Variants in RARB observed in about 807,000 individuals in gnomAD.
RARB encodes the protein retinoic acid receptor beta, also known as HBV-activated protein.
A neutral mutation model predicts 51.9 loss-of-function variants in RARB; 17 were observed. That is an observed-to-expected ratio of 0.33 (90% CI 0.22 to 0.49). The LOEUF (loss-of-function observed/expected upper bound fraction) is 0.49. RARB is among the 20% of genes least tolerant of loss of function. RARB has a pLI of 0.99. For missense variants in RARB, 369 were observed against 550.8 expected (o/e 0.67, Z 3.30); for synonymous variants, 215 against 195.4 (o/e 1.10, Z -0.84).
intron 2 of RARB, among the ~76,000 whole-genome samples, chr3:25,049,487 C>T (rs1698283823): frequency 6.6e-6 from 1 of 152,100 alleles, no homozygotes. Flanking sequence ...CAGTTGAGGT[C>T]CTTGTCATGA....
At chr3:25,491,960 A>G (rs1696762326) in intron 2 of RARB, among the ~76,000 whole-genome samples, 1 of 150,362 alleles carries the variant, frequency 6.7e-6, no homozygotes, top group African/African-American at 2.4e-5. Flanking sequence ...AAAAAATTAT[A>G]AAATTATTTT....
At chr3:24,893,958 A>T (rs989180737) in intron 2 of RARB, among the ~76,000 whole-genome samples, 2 of 152,228 alleles carry the variant, frequency 1.3e-5, no homozygotes. Context: ...ACCTAATACA[A>T]GCCTGTGCTT....
At chr3:25,159,699 A>G (rs565753204) in intron 4 of RARB, among the ~76,000 whole-genome samples, 1 of 152,252 alleles carries the variant, frequency 6.6e-6, no homozygotes, top group South Asian at 2.1e-4. Flanking sequence ...TTCTGACAAC[A>G]AAAAGGGGGG....
chr3:24,859,058 GAAAAAAA>G (rs11333927), intron 2 of RARB, among the ~76,000 whole-genome samples: 2 of 120,976 alleles, frequency 1.7e-5, no homozygotes, highest in African/African-American at 6.3e-5. Context: ...AAAAAAAAAA[GAAAAAAA>G]AAAAGTTCCT....
intron 2 of RARB, among the ~76,000 whole-genome samples, chr3:24,981,742 G>C (rs776416125): frequency 1.3e-5 from 2 of 152,234 alleles, no homozygotes; most frequent in Admixed American, 6.5e-5. Flanking sequence ...TATGCTTCCT[G>C]GGTAAGGCGA....
intron 2 of RARB, among the ~76,000 whole-genome samples, chr3:24,998,750 T>G (rs1028471073): frequency 1.3e-5 from 2 of 152,158 alleles, no homozygotes; most frequent in African/African-American, 4.8e-5. Context: ...CTTACATGTC[T>G]TCTTAAACTT....
chr3:25,527,967 C>T (rs1455853359), intron 3 of RARB, among the ~76,000 whole-genome samples: 1 of 152,208 alleles, frequency 6.6e-6, no homozygotes, highest in Non-Finnish European at 1.5e-5. Flanking sequence ...CAAGGCCCTG[C>T]ACAAAGCCAG....
At chr3:25,138,443 A>G (rs1325169955) in intron 4 of RARB, among the ~76,000 whole-genome samples, 2 of 152,000 alleles carry the variant, frequency 1.3e-5, no homozygotes, top group African/African-American at 4.8e-5. Flanking sequence ...TGTTGTACCA[A>G]GGTATATAGA....
intron 2 of RARB, among the ~76,000 whole-genome samples, chr3:25,015,427 G>T (rs528499839): frequency 1.3e-5 from 2 of 152,118 alleles, no homozygotes; most frequent in Non-Finnish European, 2.9e-5. Context: ...TAAAATAACT[G>T]TGAAATAAAT....
intron 2 of RARB, among the ~76,000 whole-genome samples, chr3:24,957,766 G>A (rs1326430102): frequency 6.6e-6 from 1 of 152,140 alleles, no homozygotes; most frequent in East Asian, 1.9e-4. Flanking sequence ...TATAAAATGT[G>A]GCTGCCTATG....
chr3:25,042,144 C>T (rs530430908), intron 2 of RARB, among the ~76,000 whole-genome samples: 43 of 152,166 alleles, frequency 2.8e-4, no homozygotes, highest in Non-Finnish European at 5.9e-4. Flanking sequence ...TCAGACCTTA[C>T]CATTTTTCTA....
intron 2 of RARB, among the ~76,000 whole-genome samples, chr3:24,933,692 C>T (rs994906735): frequency 6.6e-6 from 1 of 152,090 alleles, no homozygotes; most frequent in Non-Finnish European, 1.5e-5. Context: ...CCTTATTCTT[C>T]ATAAAATGGC....
At chr3:24,912,972 A>ATTTTTTTTTTTTTTTTTTTTTTTTTTTTT (rs71622787) in intron 2 of RARB, among the ~76,000 whole-genome samples, 6 of 57,634 alleles carry the variant, frequency 1.0e-4, no homozygotes, top group Admixed American at 2.6e-4. Context: ...CAAGGTACTG[A>ATTTTTTTTTTTTTTTTTTTTTTTTTTTTT]TTCTTTTTTT....
chr3:25,173,832 G>A (rs968170894), intron 4 of RARB, among the ~76,000 whole-genome samples: 1 of 152,166 alleles, frequency 6.6e-6, no homozygotes, highest in Admixed American at 6.5e-5. Context: ...GTATCAAGTC[G>A]TTTAACTGCC....
intron 5 of RARB, among the ~76,000 whole-genome samples, chr3:25,281,938 C>G (rs1703533744): frequency 6.6e-6 from 1 of 152,132 alleles, no homozygotes; most frequent in Non-Finnish European, 1.5e-5. Flanking sequence ...TATTTAAGTG[C>G]CTGCTCTGCA....
intron 3 of RARB, among the ~76,000 whole-genome samples, chr3:25,548,688 A>T (rs904858627): frequency 6.6e-6 from 1 of 150,622 alleles, no homozygotes; most frequent in Non-Finnish European, 1.5e-5. Flanking sequence ...CAAGTTTTGA[A>T]TCCTTTTTTA....
chr3:24,934,930 G>A (rs9813342), intron 2 of RARB, among the ~76,000 whole-genome samples: 4,978 of 152,128 alleles, frequency 0.033, 244 homozygotes, highest in African/African-American at 0.11. Flanking sequence ...AAATTACCAT[G>A]GGGATGTGAC....
At chr3:25,081,602 TATATATATATATATA>T (rs1698997932) in intron 3 of RARB, among the ~76,000 whole-genome samples, 2 of 18,578 alleles carry the variant, frequency 1.1e-4, no homozygotes, top group East Asian at 1.9e-3. Flanking sequence ...TATATATATA[TATATATATATATATA>T]TATATTTTTT....
intron 3 of RARB, among the ~76,000 whole-genome samples, chr3:25,127,128 G>A (rs1323839037): frequency 6.6e-6 from 1 of 152,082 alleles, no homozygotes. Flanking sequence ...CAGGAACCAG[G>A]TGATCTTGGA....
Sources: allele counts gnomAD v4.1 joint callset (sites outside exome capture counted in the v4.1 genomes callset), GRCh38; gene constraint gnomAD v4.1.1; transcripts MANE v1.5; gene names NCBI Gene and HGNC (gene_info 2026-07-23, HGNC 2026-07-21).